The following PATZ1 variants were observed in gnomAD, a reference collection of about 807,000 sequenced individuals.
The protein encoded by PATZ1 is POZ/BTB and AT hook containing zinc finger 1.
PATZ1 carries 9 observed loss-of-function variants against 46.2 expected under a neutral mutation model. The ratio of observed to expected loss-of-function variants is 0.19; its 90% confidence interval spans 0.12 to 0.34. The LOEUF (loss-of-function observed/expected upper bound fraction) is 0.34. Ranked by LOEUF, PATZ1 falls within the 10% of genes least tolerant of loss-of-function variation. PATZ1 has a pLI of 1.00. For synonymous variants in PATZ1, 426 were observed against 378.6 expected, an observed-to-expected ratio of 1.13 and a Z score of -1.45; for missense variants, 632 against 923.0, an observed-to-expected ratio of 0.68 and a Z score of 4.08.
intron 1 of PATZ1, chr22:31,343,717 C>T (rs994051374): frequency 6.6e-6 from 1 of 152,650 alleles, no homozygotes; most frequent in African/African-American, 2.4e-5. Context: ...GTCCTGAAAA[C>T]ATAAAGGGGC....
chr22:31,328,173 G>T lies in PATZ1; in HGVS notation c.1645+614C>A, dbSNP rs1050225840. ...GCCTCATCCCCAAGGCAACGACAACGTGACATACCACAAAACAACCTGAAT... is the reference window on the plus strand; with the variant it reads ...GCCTCATCCCCAAGGCAACGACAACTTGACATACCACAAAACAACCTGAAT... On this transcript the variant is annotated intron_variant, in intron 4 of 4. Transcript: ENST00000266269. The surrounding 1 kb of genome is among the most constrained non-coding windows in gnomAD (Gnocchi z 4.8). Among the ~76,000 whole-genome samples the T allele has an allele frequency of 6.6e-6, 1 of 152,228 alleles. No individual in the cohort carries two copies. Among genetic ancestry groups the T allele is most frequent in the Non-Finnish European group, 1.5e-5 (1 of 68,038 alleles).
Position 31,326,096 on chromosome 22 carries a change from C to T in PATZ1, c.*795G>A, listed in dbSNP as rs992118482. The stretch of plus-strand genomic sequence containing the variant: ...TAATACTAACCCTAATGTGTGACTG[C>T]GGTTTACAAAGAGCTCTGTATCACC... On this transcript the variant is annotated 3_prime_UTR_variant, in exon 5 of 5. Coordinates refer to ENST00000266269, the MANE Select transcript of PATZ1 (RefSeq NM_014323.3). The T allele has an allele frequency of 8.2e-5, 18 of 220,200 alleles. No individual in the cohort carries two copies. Among genetic ancestry groups the T allele is most frequent in the Non-Finnish European group, 1.5e-4 (16 of 109,784 alleles). The allele number at this position is 220,200 out of a possible 1,614,324, so 13.6% of individuals were successfully genotyped here. A position where few individuals can be genotyped will look rare whatever the true frequency, so the allele number is the denominator to read the frequency against.
At chr22:31,341,181 A>G (rs2049575642) in intron 2 of PATZ1, 4 of 1,239,934 alleles carry the variant, frequency 3.2e-6, no homozygotes, top group East Asian at 6.3e-5. Context: ...GGAAAAGGCA[A>G]GAGAGCCCAG....
chr22:31,342,760 G>A (rs2049598452), intron 2 of PATZ1, 137 bp downstream of exon 2: 3 of 808,938 alleles, frequency 3.7e-6, no homozygotes, highest in Non-Finnish European at 6.1e-6. Flanking sequence ...GAGGGAGGGT[G>A]GAGGAACAGA....
chr22:31,330,573 C>T (rs2049428820), intron 3 of PATZ1, among the ~76,000 whole-genome samples: 1 of 152,220 alleles, frequency 6.6e-6, no homozygotes, highest in South Asian at 2.1e-4. Context: ...GCCTGGACTC[C>T]AACCCCAGGA....
In PATZ1 at chr22:31,335,688, T is replaced by TCTG; in HGVS notation, c.1507+3_1507+4insCAG. ...TGGAAGTGAGGAAACAGTGGGCAGA[T>TCTG]TACCTCGGTTACAGATACTGCAGAA... is the stretch of plus-strand genomic sequence containing the variant. On this transcript the variant is annotated splice_donor_region_variant and intron_variant, in intron 3 of 4. Coordinates refer to ENST00000266269, the MANE Select transcript of PATZ1 (RefSeq NM_014323.3). The TCTG allele has an allele frequency of 1.2e-6, 2 of 1,613,086 alleles. No homozygotes were observed. The highest frequency in any genetic ancestry group is 1.3e-5 in the African/African-American group (1 of 75,014).
chr22:31,345,225 G>C lies in PATZ1; in HGVS notation c.378C>G (p.Ile126Met), dbSNP rs1209372422. ...CGGGAAAGCTCTCCAAGCGCACCAC[G>C]ATGCGGGAAGTGTAGGCGAAGTCCA... ...DILDFAYTSR[I>M]VVRLESFPEL... The change falls in exon 1 of 5, where the codon ATC becomes ATG. Residue 126 changes from isoleucine (I) to methionine (M), a missense_variant. Around this residue, in one of 7 missense-constraint regions of PATZ1, gnomAD observed 11 missense variants for 53.3 expected, o/e 0.21. Transcript: ENST00000266269. This position sits in a 1 kb window ranked among gnomAD's most constrained non-coding sequence, Gnocchi z 7.4. The C allele has an allele frequency of 6.2e-7, 1 of 1,613,656 alleles. No individual in the cohort carries two copies. Among genetic ancestry groups the C allele is most frequent in the Non-Finnish European group, 8.5e-7 (1 of 1,179,758 alleles).
rs1385267201 is a variant in PATZ1, at chr22:31,344,844, A to G, written c.759T>C (p.Ser253=). 6.2e-7 allele frequency: 1 copy of G among 1,612,710 alleles called. No individual in the cohort carries two copies. The highest frequency in any genetic ancestry group is 8.5e-7 in the Non-Finnish European group (1 of 1,179,870). The change falls in exon 1 of 5, where the codon AGT becomes AGC. Residue 253 remains serine (S), a synonymous_variant. Transcript: ENST00000266269. Reference sequence around the variant, plus strand: ...TCAGGGGAGGGGCACTGGATGCCACACTGGGGAATGGGGAAGTCAGCAGTT... The same window carrying G: ...TCAGGGGAGGGGCACTGGATGCCACGCTGGGGAATGGGGAAGTCAGCAGTT... The part of the protein sequence containing the change: ...SPQLLTSPFP[S]VASSAPPLTG...
chr22:31,328,458 T>A lies in PATZ1; in HGVS notation c.1645+329A>T, dbSNP rs2049394407. Among the ~76,000 whole-genome samples the A allele has an allele frequency of 1.3e-5, 2 of 152,130 alleles. No individual in the cohort carries two copies. The highest frequency in any genetic ancestry group is 4.8e-5 in the African/African-American group (2 of 41,432). On this transcript the variant is annotated intron_variant, in intron 4 of 4. Transcript: ENST00000266269. The surrounding 1 kb of genome is among the most constrained non-coding windows in gnomAD (Gnocchi z 4.8). ...GCAGCAGGCAGTGACAGGCCCATAG[T>A]GACTCATCATGCAGGGCTCTTCTTC...
intron 2 of PATZ1, among the ~76,000 whole-genome samples, chr22:31,336,159 A>C (rs2049506570): frequency 6.6e-6 from 1 of 152,240 alleles, no homozygotes; most frequent in Non-Finnish European, 1.5e-5. Context: ...CACAATGAAG[A>C]GTTACACATT....
At chr22:31,342,750 G>A (rs2049598192) in intron 2 of PATZ1, 147 bp downstream of exon 2, 6 of 760,888 alleles carry the variant, frequency 7.9e-6, no homozygotes. Context: ...GAGGAGAGCA[G>A]AGGGAGGGTG....
In PATZ1 at chr22:31,327,363, C is replaced by A. The variant is rs185061493; in HGVS notation, c.1646-54G>T. 1 of 1,481,784 alleles carries A rather than the reference C, an allele frequency of 6.7e-7. No homozygotes were observed. The highest frequency in any genetic ancestry group is 9.2e-7 in the Non-Finnish European group (1 of 1,083,828). 91.8% of individuals were successfully genotyped at this position (1,481,784 alleles called of 1,614,324 possible). ...ATGAGGCCAGGCTCTGGAGATGCCC[C>A]CTCCTGGAGGGGTCATGAGGGGCCA... is the stretch of plus-strand genomic sequence containing the variant. On this transcript the variant is annotated intron_variant, in intron 4 of 4. Coordinates refer to ENST00000266269, the MANE Select transcript of PATZ1 (RefSeq NM_014323.3). This position sits in a 1 kb window ranked among gnomAD's most constrained non-coding sequence, Gnocchi z 4.2.
Position 31,326,378 on chromosome 22 carries a change from C to T in PATZ1, c.*513G>A, listed in dbSNP as rs2145807452. ...CAGGGGGCTCTTGGAGGACACTCAC[C>T]CCATGGTCCATGGGATGCTTCTGGC... On this transcript the variant is annotated 3_prime_UTR_variant, in exon 5 of 5. Transcript: ENST00000266269. The T allele has an allele frequency of 4.3e-6, 1 of 232,172 alleles. No individual in the cohort carries two copies. 14.4% of individuals were successfully genotyped at this position (232,172 alleles called of 1,614,324 possible).
In PATZ1 at chr22:31,345,574, C is replaced by A; in HGVS notation, c.29G>T (p.Gly10Val). 3 of 1,596,996 alleles carry A rather than the reference C, an allele frequency of 1.9e-6. No homozygotes were observed. The highest frequency in any genetic ancestry group is 2.6e-6 in the Non-Finnish European group (3 of 1,167,574). Residue 10 changes from glycine to valine, a missense_variant, in exon 1 of 5, where the codon GGC becomes GTC. Physicochemically the swap from Gly to Val is moderately radical, Grantham distance 109. Transcript: ENST00000266269. The surrounding 1 kb of genome is among the most constrained non-coding windows in gnomAD (Gnocchi z 7.4). ...CTGGTATGTGTAGCAGCCAGACGGG[C>A]CGCACGAAGCGTCGTTCACCCGCTC... is the stretch of plus-strand genomic sequence containing the variant. MERVNDASC[G>V]PSGCYTYQVS...
intron 1 of PATZ1, chr22:31,343,168 G>A (rs887465459): frequency 7.7e-6 from 10 of 1,305,474 alleles, no homozygotes; most frequent in African/African-American, 6.0e-5. Context: ...CTGGAGGGGG[G>A]AAGAGAAATG....
Position 31,341,788 on chromosome 22 carries a change from C to T in PATZ1, c.1335+1109G>A. On this transcript the variant is annotated intron_variant, in intron 2 of 4. Coordinates refer to ENST00000266269, the MANE Select transcript of PATZ1 (RefSeq NM_014323.3). The stretch of plus-strand genomic sequence containing the variant: ...CTGCCCGGGCTAATCAGCACACTAC[C>T]TGAGTCAGAATGTGCTCTGTGATGA... The T allele has an allele frequency of 1.4e-5, 13 of 933,708 alleles. No individual in the cohort carries two copies. In the South Asian group the frequency reaches 2.2e-4, roughly 16 times the overall value. 57.8% of individuals were successfully genotyped at this position (933,708 alleles called of 1,614,324 possible). A position where few individuals can be genotyped will look rare whatever the true frequency, so the allele number is the denominator to read the frequency against.
rs756031359 is a variant in PATZ1, at chr22:31,345,251, G to A, written c.352C>T (p.Leu118=). The A allele has an allele frequency of 1.2e-6, 2 of 1,613,400 alleles. No homozygotes were observed. The highest frequency in any genetic ancestry group is 1.1e-5 in the South Asian group (1 of 91,012). ...TISSKVFGDI[L]DFAYTSRIVV... ...ATGCGGGAAGTGTAGGCGAAGTCCA[G>A]AATGTCCCCAAATACCTTGGAGCTG... is the stretch of plus-strand genomic sequence containing the variant. Residue 118 remains leucine, a synonymous_variant, in exon 1 of 5, where the codon CTG becomes TTG. Transcript: ENST00000266269. This position sits in a 1 kb window ranked among gnomAD's most constrained non-coding sequence, Gnocchi z 7.4.
chr22:31,340,738 A>G (rs917652734), intron 2 of PATZ1: 8 of 1,050,624 alleles, frequency 7.6e-6, no homozygotes, highest in East Asian at 5.4e-5. Flanking sequence ...GGAGTGCTAA[A>G]GGGCACACCA....
At chr22:31,330,440 T>G (rs568596738) in intron 3 of PATZ1, among the ~76,000 whole-genome samples, 53 of 152,076 alleles carry the variant, frequency 3.5e-4, no homozygotes, top group Non-Finnish European at 6.5e-4. Flanking sequence ...AGCAGGCACC[T>G]GTAAGCTGAG....
Sources: allele counts gnomAD v4.1 joint callset (sites outside exome capture counted in the v4.1 genomes callset), GRCh38; gene constraint gnomAD v4.1.1; regional missense constraint gnomAD v4.1.1; non-coding constraint Gnocchi (gnomAD v3.1); transcripts MANE v1.5; gene names NCBI Gene and HGNC (gene_info 2026-07-23, HGNC 2026-07-21).